Variants in PCDH11X observed in about 807,000 individuals in gnomAD.
The protein encoded by PCDH11X is protocadherin-11 X-linked.
In PCDH11X, 18 loss-of-function variants were observed where a neutral mutation model predicts 53.3. That is an observed-to-expected ratio of 0.34 (90% CI 0.23 to 0.50). PCDH11X has a LOEUF of 0.50. Among genes scored for constraint, PCDH11X ranks in the 20% least tolerant of loss-of-function variants. The pLI is 0.98. For missense variants in PCDH11X, 570 were observed against 1,032.4 expected (o/e 0.55, Z 6.14); for synonymous variants, 279 against 393.3 (o/e 0.71, Z 3.44).
At chrX:92,360,595 G>A (rs1200093545) in intron 8 of PCDH11X, among the ~76,000 whole-genome samples, 5 of 110,386 alleles carry the variant, frequency 4.5e-5, no homozygotes, top group African/African-American at 6.6e-5. Flanking sequence ...GAGTAGAAAT[G>A]CATTTCTTCC....
chrX:92,304,866 G>A (rs1603263991), intron 8 of PCDH11X, among the ~76,000 whole-genome samples: 1 of 112,306 alleles, frequency 8.9e-6, no homozygotes, highest in Non-Finnish European at 1.9e-5. Context: ...TAGTGAATTT[G>A]AGATGAAAAT....
chrX:91,852,234 A>G (rs915904211), intron 5 of PCDH11X, among the ~76,000 whole-genome samples: 2 of 108,932 alleles, frequency 1.8e-5, no homozygotes, highest in African/African-American at 6.7e-5. Flanking sequence ...AGGCTGGTCT[A>G]GAACTTCTGA....
chrX:92,148,318 T>G (rs1458929910), intron 6 of PCDH11X, among the ~76,000 whole-genome samples: 2 of 100,421 alleles, frequency 2.0e-5, no homozygotes, highest in African/African-American at 7.3e-5. Context: ...AACCTCTGCC[T>G]CCCAGGTTCA....
chrX:91,937,940 T>C (rs1390565558), intron 6 of PCDH11X, among the ~76,000 whole-genome samples: 2 of 111,737 alleles, frequency 1.8e-5, no homozygotes, highest in Non-Finnish European at 3.8e-5. Context: ...TCTGATATTA[T>C]GCAATTCTTC....
chrX:92,202,865 C>T (rs1206773517), intron 7 of PCDH11X, among the ~76,000 whole-genome samples: 1 of 110,071 alleles, frequency 9.1e-6, no homozygotes, highest in African/African-American at 3.3e-5. Context: ...ACAAAAAATA[C>T]AAAAAAAATT....
chrX:92,291,628 T>C (rs1272100088), intron 8 of PCDH11X, among the ~76,000 whole-genome samples: 1 of 103,293 alleles, frequency 9.7e-6, no homozygotes, highest in Non-Finnish European at 2.0e-5. Context: ...AGATTATTAG[T>C]TTTTAGTTCT....
At chrX:92,503,480 G>A (rs2073997142) in intron 10 of PCDH11X, among the ~76,000 whole-genome samples, 1 of 97,642 alleles carries the variant, frequency 1.0e-5, no homozygotes, top group South Asian at 4.6e-4. Flanking sequence ...CAACCTAAAC[G>A]CCCATCAATG....
chrX:92,471,354 A>G lies in PCDH11X; in HGVS notation c.3367+3032A>G, dbSNP rs201885169. Reference sequence around the variant, plus strand: ...TTATCTCTCATTAATAAGTGAGAAAATGTGGTATTTGGTTTTCTGGCCCTG... The same window carrying G: ...TTATCTCTCATTAATAAGTGAGAAAGTGTGGTATTTGGTTTTCTGGCCCTG... On this transcript the variant is annotated intron_variant, in intron 10 of 10. Transcript: ENST00000682573. 1.0e-4 allele frequency among the ~76,000 whole-genome samples: 11 copies of G among 106,419 alleles called. No homozygotes were observed. The East Asian group carries it at 3.3e-3, about 32-fold the overall frequency. The allele number at this position is 106,419 out of a possible 115,157, so 92.4% of individuals were successfully genotyped here. A position where few individuals can be genotyped will look rare whatever the true frequency, so the allele number is the denominator to read the frequency against.
At chrX:92,443,117 G>C (rs748585867) in intron 9 of PCDH11X, among the ~76,000 whole-genome samples, 1 of 107,710 alleles carries the variant, frequency 9.3e-6, no homozygotes, top group Non-Finnish European at 1.9e-5. Flanking sequence ...TCTGACTGTT[G>C]TGAGATAGAG....
chrX:92,362,603 TGA>T (rs1304300472), intron 8 of PCDH11X, among the ~76,000 whole-genome samples: 1 of 12,824 alleles, frequency 7.8e-5, no homozygotes, highest in African/African-American at 3.4e-4. Context: ...ATTTTCATTC[TGA>T]TGATTGTGTT....
At chrX:91,978,716 A>G (rs1461705739) in intron 6 of PCDH11X, among the ~76,000 whole-genome samples, 1 of 111,667 alleles carries the variant, frequency 9.0e-6, no homozygotes, top group Non-Finnish European at 1.9e-5. Flanking sequence ...TTGCTTATTC[A>G]TCTTACATCT....
chrX:91,838,893 A>C, intron 5 of PCDH11X, among the ~76,000 whole-genome samples: 1 of 110,910 alleles, frequency 9.0e-6, no homozygotes, highest in African/African-American at 3.3e-5. Flanking sequence ...ATATTTAAAT[A>C]GGTCAATTTA....
intron 8 of PCDH11X, among the ~76,000 whole-genome samples, chrX:92,370,189 T>C (rs1307372924): frequency 9.0e-6 from 1 of 111,260 alleles, no homozygotes; most frequent in Non-Finnish European, 1.9e-5. Flanking sequence ...CTTAAAAGTG[T>C]TGTTTAATTT....
intron 6 of PCDH11X, among the ~76,000 whole-genome samples, chrX:91,962,439 T>C (rs964181500): frequency 8.9e-6 from 1 of 112,703 alleles, no homozygotes; most frequent in Non-Finnish European, 1.9e-5. Context: ...CAAGGTGTGC[T>C]GATGCAAGAG....
At chrX:92,526,578 A>C (rs1280548501) in intron 10 of PCDH11X, among the ~76,000 whole-genome samples, 2 of 107,482 alleles carry the variant, frequency 1.9e-5, no homozygotes, top group Non-Finnish European at 3.8e-5. Flanking sequence ...AACTGCAATG[A>C]GATATCCTCT....
chrX:92,290,906 T>C (rs2068478334), intron 8 of PCDH11X, among the ~76,000 whole-genome samples: 1 of 87,736 alleles, frequency 1.1e-5, no homozygotes, highest in East Asian at 7.1e-4. Context: ...TTCTTTTGTC[T>C]TTTTTTTTTT....
intron 6 of PCDH11X, among the ~76,000 whole-genome samples, chrX:91,957,025 C>A (rs1303333656): frequency 9.2e-6 from 1 of 108,234 alleles, no homozygotes; most frequent in Non-Finnish European, 1.9e-5. Context: ...CTCTGAGATT[C>A]TATGCTCTGC....
chrX:92,609,105 C>T (rs1405313355), intron 10 of PCDH11X, among the ~76,000 whole-genome samples: 1 of 111,663 alleles, frequency 9.0e-6, no homozygotes, highest in East Asian at 2.8e-4. Flanking sequence ...AGTAGTATTT[C>T]AGTGTATGGC....
intron 6 of PCDH11X, among the ~76,000 whole-genome samples, chrX:92,043,063 A>G (rs2063234705): frequency 9.1e-6 from 1 of 109,544 alleles, no homozygotes; most frequent in Non-Finnish European, 1.9e-5. Flanking sequence ...AAGGAAAAAA[A>G]CCTAGCTTTC....
Sources: allele counts gnomAD v4.1 joint callset (sites outside exome capture counted in the v4.1 genomes callset), GRCh38; gene constraint gnomAD v4.1.1; transcripts MANE v1.5; gene names NCBI Gene and HGNC (gene_info 2026-07-23, HGNC 2026-07-21).